CCSER1: variants seen among roughly 807,000 people sequenced by gnomAD.
CCSER1 encodes serine-rich coiled-coil domain-containing protein 1.
CCSER1 carries 41 observed loss-of-function variants against 82.0 expected under a neutral mutation model. The observed-to-expected ratio is 0.50, with a 90% CI of 0.39 to 0.65. The LOEUF is 0.65. CCSER1 is among the 30% of genes least tolerant of loss of function. The pLI, the probability that CCSER1 is intolerant of heterozygous loss-of-function variation, is 0.00. For synonymous variants in CCSER1, 414 were observed against 383.9 expected, an observed-to-expected ratio of 1.08 and a Z score of -0.92; for missense variants, 1,119 against 1,064.2, an observed-to-expected ratio of 1.05 and a Z score of -0.72.
chr4:90,399,990 T>G (rs1257637402), intron 3 of CCSER1, 46 bp from the exon 4 acceptor site: 1 of 1,059,598 alleles, frequency 9.4e-7, no homozygotes, highest in Admixed American at 1.9e-5. Flanking sequence ...TTTCCTCATT[T>G]ACTCAGTGTT....
intron 10 of CCSER1, among the ~76,000 whole-genome samples, chr4:91,132,443 T>C (rs1351054599): frequency 6.6e-6 from 1 of 152,186 alleles, no homozygotes; most frequent in East Asian, 1.9e-4. Context: ...ATCACAGCAT[T>C]GGAAAACTCT....
Position 90,308,293 on chromosome 4 carries a change from C to T in CCSER1, c.9C>T (p.Asp3=). MG[D]SGSRRSTLVS... ...CAAGCCTTTGATTCCCAATGGGGGA[C>T]TCAGGATCAAGACGATCTACCCTGG... Residue 3 remains aspartate, a synonymous_variant, in exon 2 of 11, where the codon GAC becomes GAT. Transcript: ENST00000509176. 6.3e-7 allele frequency: 1 copy of T among 1,576,508 alleles called. No individual in the cohort carries two copies. Among genetic ancestry groups the T allele is most frequent in the Non-Finnish European group, 8.6e-7 (1 of 1,161,132 alleles).
chr4:91,547,403 G>A (rs7688661), intron 10 of CCSER1, among the ~76,000 whole-genome samples: 6,489 of 152,210 alleles, frequency 0.043, 290 homozygotes, highest in African/African-American at 0.11. Flanking sequence ...TACACGTTAA[G>A]GATTGTTACA....
intron 10 of CCSER1, among the ~76,000 whole-genome samples, chr4:91,366,019 C>T (rs901757177): frequency 4.6e-5 from 7 of 152,086 alleles, no homozygotes; most frequent in African/African-American, 1.7e-4. Context: ...CTCTCACCTT[C>T]TTTGGGGGGT....
intron 7 of CCSER1, among the ~76,000 whole-genome samples, chr4:90,779,287 T>G (rs1753413953): frequency 6.6e-6 from 1 of 152,204 alleles, no homozygotes; most frequent in South Asian, 2.1e-4. Flanking sequence ...GTTTTCTTCC[T>G]CTTTTTCTGT....
chr4:90,883,944 T>C (rs1038758198), intron 8 of CCSER1, among the ~76,000 whole-genome samples: 2 of 152,218 alleles, frequency 1.3e-5, no homozygotes. Flanking sequence ...TGGTGACTAA[T>C]TAGAGAGGGA....
chr4:90,913,052 G>A (rs535573175), intron 8 of CCSER1, among the ~76,000 whole-genome samples: 11 of 152,290 alleles, frequency 7.2e-5, no homozygotes, highest in African/African-American at 2.4e-4. Context: ...GAACCAAGTT[G>A]GAAAACACTC....
chr4:90,580,679 C>A (rs1781330621), intron 5 of CCSER1, among the ~76,000 whole-genome samples: 1 of 152,144 alleles, frequency 6.6e-6, no homozygotes. Context: ...AGGGTCTGAG[C>A]AACTTTGGTC....
chr4:90,654,404 T>C (rs1729332431), intron 6 of CCSER1, among the ~76,000 whole-genome samples: 1 of 152,188 alleles, frequency 6.6e-6, no homozygotes, highest in African/African-American at 2.4e-5. Flanking sequence ...TTATACTTTA[T>C]ATTTCATTTT....
At chr4:91,403,765 A>C (rs529340363) in intron 10 of CCSER1, among the ~76,000 whole-genome samples, 26 of 152,142 alleles carry the variant, frequency 1.7e-4, no homozygotes, top group Non-Finnish European at 3.2e-4. Flanking sequence ...ATCATGGATA[A>C]GCTTTTTGAT....
chr4:90,272,358 T>C (rs1017741145), intron 1 of CCSER1, among the ~76,000 whole-genome samples: 9 of 152,118 alleles, frequency 5.9e-5, no homozygotes, highest in African/African-American at 2.2e-4. Flanking sequence ...TGCAAAGATA[T>C]ATCATCTCAT....
intron 8 of CCSER1, among the ~76,000 whole-genome samples, chr4:90,900,153 T>C (rs112309875): frequency 3.1e-4 from 44 of 142,740 alleles, no homozygotes; most frequent in East Asian, 6.0e-4. Context: ...AACTCATTAT[T>C]GGTAGGCTCA....
intron 7 of CCSER1, among the ~76,000 whole-genome samples, chr4:90,775,079 T>C (rs1394774977): frequency 6.6e-6 from 1 of 152,092 alleles, no homozygotes; most frequent in Non-Finnish European, 1.5e-5. Flanking sequence ...TATAATTGAT[T>C]TAACAAAGGA....
intron 8 of CCSER1, among the ~76,000 whole-genome samples, chr4:90,894,245 A>G (rs1236100778): frequency 3.9e-5 from 6 of 152,062 alleles, no homozygotes; most frequent in African/African-American, 1.4e-4. Context: ...ATACTGCTAG[A>G]TATTACTTAC....
chr4:90,234,036 T>C (rs1745252787), intron 1 of CCSER1, among the ~76,000 whole-genome samples: 1 of 152,184 alleles, frequency 6.6e-6, no homozygotes. Flanking sequence ...GCTTATATGA[T>C]ATCAATGGAA....
At chr4:90,227,259 T>A (rs545442279) in intron 1 of CCSER1, among the ~76,000 whole-genome samples, 1 of 152,350 alleles carries the variant, frequency 6.6e-6, no homozygotes, top group Non-Finnish European at 1.5e-5. Flanking sequence ...AGTTGGATAA[T>A]CATTTTACAA....
At chr4:91,567,640 G>A (rs914672199) in intron 10 of CCSER1, among the ~76,000 whole-genome samples, 1 of 151,882 alleles carries the variant, frequency 6.6e-6, no homozygotes, top group Non-Finnish European at 1.5e-5. Context: ...AATGCCCTTT[G>A]GGTTTTTTGA....
chr4:90,131,177 C>G (rs1249941057), intron 1 of CCSER1, among the ~76,000 whole-genome samples: 1 of 151,500 alleles, frequency 6.6e-6, no homozygotes, highest in African/African-American at 2.4e-5. Flanking sequence ...TTTGTATTTA[C>G]TTTAGTAGAG....
At chr4:90,460,487 A>T (rs1287420114) in intron 4 of CCSER1, among the ~76,000 whole-genome samples, 4 of 152,022 alleles carry the variant, frequency 2.6e-5, no homozygotes, top group Admixed American at 2.6e-4. Flanking sequence ...AATTTGGGTG[A>T]TATGAGGTAA....
Sources: gnomAD v4.1 joint callset for allele counts (sites outside exome capture counted in the v4.1 genomes callset) on GRCh38, gnomAD v4.1.1 for gene constraint, MANE v1.5 for transcripts, NCBI Gene and HGNC (gene_info 2026-07-23, HGNC 2026-07-21) for gene names.